Variants in ZNF385D observed in about 807,000 individuals in gnomAD.
ZNF385D encodes zinc finger protein 659.
Under a neutral mutation model 35.8 loss-of-function variants are expected in ZNF385D, and 15 were observed. The ratio of observed to expected loss-of-function variants is 0.42; its 90% CI spans 0.28 to 0.64. The LOEUF (loss-of-function observed/expected upper bound fraction) is 0.64. Ranked by LOEUF, ZNF385D falls within the 30% of genes least tolerant of loss-of-function variation. The probability of loss-of-function intolerance (pLI) is 0.23; values close to 1 mark genes in which losing one functional copy is unlikely to be tolerated. For missense variants in ZNF385D, 474 were observed against 494.6 expected (o/e 0.96, Z 0.39); for synonymous variants, 212 against 186.8 (o/e 1.13, Z -1.10).
At chr3:22,315,496 T>C (rs1037743130) in intron 2 of ZNF385D, among the ~76,000 whole-genome samples, 3 of 152,240 alleles carry the variant, frequency 2.0e-5, no homozygotes, top group South Asian at 2.1e-4. Context: ...AGAAAACTAT[T>C]TGGGAAGAGA....
intron 3 of ZNF385D, among the ~76,000 whole-genome samples, chr3:22,154,445 G>C (rs1408538959): frequency 6.6e-6 from 1 of 152,152 alleles, no homozygotes; most frequent in Non-Finnish European, 1.5e-5. Flanking sequence ...CACCACGTAA[G>C]AAAACAGAAG....
In ZNF385D at chr3:21,918,410, G is replaced by C. The variant is rs143179665; in HGVS notation, c.325+250407C>G. On this transcript the variant is annotated intron_variant, in intron 3 of 5. Coordinates refer to the ZNF385D transcript ENST00000494108. Reference sequence around the variant, plus strand: ...TATTTGGATTTTCTATCTGAAAATAGAGCAAGTAAAAGTAGGGACTTTTAA... The same window carrying C: ...TATTTGGATTTTCTATCTGAAAATACAGCAAGTAAAAGTAGGGACTTTTAA... Among the ~76,000 whole-genome samples the C allele has an allele frequency of 5.1e-4, 77 of 152,088 alleles. 2 individuals are homozygous for C. In the East Asian group the frequency reaches 0.014, roughly 28 times the overall value.
At chr3:21,561,287 G>C (rs2062937112) in intron 3 of ZNF385D, among the ~76,000 whole-genome samples, 1 of 152,192 alleles carries the variant, frequency 6.6e-6, no homozygotes. Flanking sequence ...AGGTACCCTA[G>C]GGAATATCCT....
At position 21,460,173 on chromosome 3, in the gene ZNF385D, A is replaced by G. The variant is rs17008860; in HGVS notation, c.440-22970T>C. Reference sequence around the variant, plus strand: ...CATGCTTAGATGCTCTTCCAGTAACACCATCTTTTTTTTCTTCTCAGTGCC... The same window carrying G: ...CATGCTTAGATGCTCTTCCAGTAACGCCATCTTTTTTTTCTTCTCAGTGCC... On this transcript the variant is annotated intron_variant, in intron 4 of 7. Transcript: ENST00000281523. Among the ~76,000 whole-genome samples the G allele has an allele frequency of 7.0e-3, 1,050 of 149,096 alleles. 7 individuals carry two copies. The highest frequency in any genetic ancestry group is 0.024 in the African/African-American group (1,006 of 41,468).
chr3:21,558,460 C>T (rs1198659756), intron 3 of ZNF385D, among the ~76,000 whole-genome samples: 3 of 152,100 alleles, frequency 2.0e-5, no homozygotes, highest in African/African-American at 7.2e-5. Context: ...TGTTGTTGTG[C>T]AGTTTTGAGT....
At chr3:22,089,442 T>C (rs1007534869) in intron 3 of ZNF385D, among the ~76,000 whole-genome samples, 1 of 152,196 alleles carries the variant, frequency 6.6e-6, no homozygotes, top group Admixed American at 6.5e-5. Flanking sequence ...TATTTCCTGG[T>C]ACCTGTGAGT....
intron 3 of ZNF385D, among the ~76,000 whole-genome samples, chr3:21,965,422 C>T (rs138202046): frequency 1.1e-3 from 169 of 151,994 alleles, no homozygotes; most frequent in African/African-American, 3.7e-3. Context: ...CGTGCCAGAG[C>T]GTACAGTAAG....
rs973257997 is a variant in ZNF385D at position 21,866,486 on chromosome 3, G to C, written c.326-201458C>G. Among the ~76,000 whole-genome samples the C allele has an allele frequency of 1.1e-4, 17 of 152,220 alleles. No individual in the cohort carries two copies. In the South Asian group the frequency reaches 3.3e-3, roughly 30 times the overall value. On this transcript the variant is annotated intron_variant, in intron 3 of 5. Transcript: ENST00000494108. ...AAGAAATACTCGCCAGGTTTTATGAGGGCACCGCTATTGATCTACGGATAT... is the reference window on the plus strand; with the variant it reads ...AAGAAATACTCGCCAGGTTTTATGACGGCACCGCTATTGATCTACGGATAT...
chr3:22,032,177 C>T (rs1698041084), intron 3 of ZNF385D, among the ~76,000 whole-genome samples: 1 of 152,166 alleles, frequency 6.6e-6, no homozygotes, highest in African/African-American at 2.4e-5. Flanking sequence ...CGAAGTTTCC[C>T]ACATCTTCCT....
chr3:21,727,650 A>G (rs2068824699), intron 1 of ZNF385D, among the ~76,000 whole-genome samples: 1 of 152,226 alleles, frequency 6.6e-6, no homozygotes. Flanking sequence ...GGCAATCATT[A>G]AAAAGTCAGG....
intron 3 of ZNF385D, among the ~76,000 whole-genome samples, chr3:21,986,602 T>G (rs565728942): frequency 1.9e-3 from 289 of 149,184 alleles, no homozygotes; most frequent in African/African-American, 7.0e-3. Context: ...GTGGTCAATT[T>G]TGGAATAGGT....
rs77518088 is a variant in ZNF385D, at chr3:21,830,179, T to G, written c.326-165151A>C. 5.4e-3 allele frequency among the ~76,000 whole-genome samples: 825 copies of G among 152,310 alleles called. 8 individuals carry two copies. Among genetic ancestry groups the G allele is most frequent in the East Asian group, 0.033 (171 of 5,170 alleles). ...TAAGAAAAAGACTTGCATTTAAGCTTCTAATTACTCTAGTAAAAATTCATC... is the reference window on the plus strand; with the variant it reads ...TAAGAAAAAGACTTGCATTTAAGCTGCTAATTACTCTAGTAAAAATTCATC... On this transcript the variant is annotated intron_variant, in intron 3 of 5. Coordinates refer to the ZNF385D transcript ENST00000494108.
chr3:22,128,571 C>T (rs770943071), intron 3 of ZNF385D, among the ~76,000 whole-genome samples: 1 of 151,860 alleles, frequency 6.6e-6, no homozygotes, highest in Non-Finnish European at 1.5e-5. Context: ...ATTTTTTATT[C>T]TTTTTGTCTC....
At chr3:21,486,875 A>AC (rs1224723030) in intron 4 of ZNF385D, among the ~76,000 whole-genome samples, 4 of 152,114 alleles carry the variant, frequency 2.6e-5, no homozygotes, top group African/African-American at 9.7e-5. Flanking sequence ...TTCATATCAT[A>AC]CTTTTTTTTA....
chr3:22,348,664 TAGAA>T (rs202171339), intron 2 of ZNF385D, among the ~76,000 whole-genome samples: 12 of 110,462 alleles, frequency 1.1e-4, no homozygotes, highest in Middle Eastern at 5.7e-3. Context: ...CAAAACGCTG[TAGAA>T]AGAAAGAAAG....
intron 3 of ZNF385D, among the ~76,000 whole-genome samples, chr3:21,867,252 A>T (rs1697415793): frequency 1.3e-5 from 2 of 152,126 alleles, no homozygotes; most frequent in African/African-American, 4.8e-5. Flanking sequence ...CTCATGACCT[A>T]ATCATCTCCC....
intron 2 of ZNF385D, among the ~76,000 whole-genome samples, chr3:22,336,318 A>T (rs1297854551): frequency 6.6e-6 from 1 of 152,182 alleles, no homozygotes; most frequent in East Asian, 1.9e-4. Context: ...TACTATTGCA[A>T]CTTGTACAAT....
At chr3:21,665,594 A>G (rs1300561259) in intron 1 of ZNF385D, among the ~76,000 whole-genome samples, 3 of 152,312 alleles carry the variant, frequency 2.0e-5, no homozygotes, top group Admixed American at 2.0e-4. Context: ...TGCTACGACG[A>G]TGTCTGAACT....
chr3:21,947,618 G>C (rs1374700747), intron 3 of ZNF385D, among the ~76,000 whole-genome samples: 1 of 152,156 alleles, frequency 6.6e-6, no homozygotes, highest in Non-Finnish European at 1.5e-5. Context: ...CCAGAGTGCT[G>C]GGATTCCAGG....
Sources: gnomAD v4.1 joint callset for allele counts (sites outside exome capture counted in the v4.1 genomes callset) on GRCh38, gnomAD v4.1.1 for gene constraint, MANE v1.5 for transcripts, NCBI Gene and HGNC (gene_info 2026-07-23, HGNC 2026-07-21) for gene names.